SCAPER: variants seen among roughly 807,000 people sequenced by gnomAD.
SCAPER encodes S phase cyclin A-associated protein in the endoplasmic reticulum.
A neutral mutation model predicts 182.2 loss-of-function variants in SCAPER; 98 were observed. The observed-to-expected ratio is 0.54, with a 90% CI of 0.46 to 0.64. The LOEUF (loss-of-function observed/expected upper bound fraction) is 0.64. Ranked by LOEUF, SCAPER falls within the 30% of genes least tolerant of loss-of-function variation. The pLI, the probability that SCAPER is intolerant of heterozygous loss-of-function variation, is 0.00. For synonymous variants in SCAPER, 605 were observed against 564.6 expected (o/e 1.07, Z -1.01); for missense variants, 1,432 against 1,690.0 (o/e 0.85, Z 2.68).
intron 23 of SCAPER, among the ~76,000 whole-genome samples, chr15:76,551,104 T>C (rs2045731272): frequency 8.2e-6 from 1 of 122,042 alleles, no homozygotes; most frequent in East Asian, 2.1e-4. Flanking sequence ...TTTCACACTG[T>C]TGGCAGGAAC....
chr15:76,466,416 CTTCTTTTTTTT>C (rs2049627204), intron 25 of SCAPER, among the ~76,000 whole-genome samples: 1 of 36,790 alleles, frequency 2.7e-5, no homozygotes, highest in African/African-American at 7.2e-5. Context: ...TTGGTTGGTT[CTTCTTTTTTTT>C]TTTTTTTTTT....
At chr15:76,833,512 C>T (rs1366517563) in intron 5 of SCAPER, among the ~76,000 whole-genome samples, 2 of 152,142 alleles carry the variant, frequency 1.3e-5, no homozygotes, top group Non-Finnish European at 2.9e-5. Context: ...CATCACATAT[C>T]AATATTGACC....
At chr15:76,676,443 A>G (rs1267913900) in intron 20 of SCAPER, among the ~76,000 whole-genome samples, 1 of 152,204 alleles carries the variant, frequency 6.6e-6, no homozygotes, top group African/African-American at 2.4e-5. Flanking sequence ...CTACCTTGCT[A>G]AACAGTCAAC....
chr15:76,519,488 A>G (rs535273620), intron 23 of SCAPER, among the ~76,000 whole-genome samples: 4 of 152,302 alleles, frequency 2.6e-5, no homozygotes, highest in Admixed American at 1.3e-4. Flanking sequence ...ACTTTGTGAT[A>G]TAAGTGATTT....
At chr15:76,667,736 T>G (rs566041635) in intron 20 of SCAPER, among the ~76,000 whole-genome samples, 166 of 149,974 alleles carry the variant, frequency 1.1e-3, no homozygotes, top group Non-Finnish European at 2.1e-3. Flanking sequence ...GAGGATCACT[T>G]GAGGGCAAGA....
intron 20 of SCAPER, among the ~76,000 whole-genome samples, chr15:76,685,275 C>G (rs1466922383): frequency 1.3e-5 from 2 of 151,536 alleles, no homozygotes; most frequent in East Asian, 3.9e-4. Flanking sequence ...AGAATGCCAC[C>G]GCTACATGTG....
chr15:76,398,882 T>C (rs954537356), intron 27 of SCAPER, among the ~76,000 whole-genome samples: 1 of 152,212 alleles, frequency 6.6e-6, no homozygotes, highest in African/African-American at 2.4e-5. Flanking sequence ...TTTGTTGCCA[T>C]AGTGCCTAGC....
At chr15:76,379,694 T>C (rs1162033171) in intron 28 of SCAPER, 1 of 152,118 alleles carries the variant, frequency 6.6e-6, no homozygotes, top group African/African-American at 2.4e-5. Flanking sequence ...ATTTTTTTCT[T>C]TTCCTTTTTT....
Position 76,586,467 on chromosome 15 carries a change from G to C in SCAPER, c.2712-12183C>G, listed in dbSNP as rs890622170. On this transcript the variant is annotated intron_variant, in intron 22 of 31. Transcript: ENST00000563290. ...GCTCTTGTTTCTTTTACTGAGAAAA[G>C]ATATTTCAAACCCCAAATCAGTGAG... Among the ~76,000 whole-genome samples the C allele has an allele frequency of 2.0e-5, 3 of 152,080 alleles. No homozygotes were observed. The East Asian group carries it at 5.8e-4, about 29-fold the overall frequency.
intron 26 of SCAPER, among the ~76,000 whole-genome samples, chr15:76,422,233 G>C (rs1359178055): frequency 6.6e-6 from 1 of 152,136 alleles, no homozygotes; most frequent in African/African-American, 2.4e-5. Flanking sequence ...TCACGATATT[G>C]ATTCTTCCTA....
chr15:76,750,065 A>C lies in SCAPER; in HGVS notation c.1866+3743T>G, dbSNP rs537422104. Reference sequence around the variant, plus strand: ...ATAAAGTAAACAGAATCAAGTTAGAAAGAAAACTCACATATTCATGGCCAA... The same window carrying C: ...ATAAAGTAAACAGAATCAAGTTAGACAGAAAACTCACATATTCATGGCCAA... On this transcript the variant is annotated intron_variant, in intron 15 of 31. Coordinates refer to ENST00000563290, the MANE Select transcript of SCAPER (RefSeq NM_020843.4). 2.2e-4 allele frequency among the ~76,000 whole-genome samples: 34 copies of C among 152,038 alleles called. No individual in the cohort carries two copies. The East Asian group carries it at 3.9e-3, about 17-fold the overall frequency.
At chr15:76,431,703 A>AAAAAAAAAAAAAAAAG (rs2046879702) in intron 26 of SCAPER, among the ~76,000 whole-genome samples, 1 of 127,744 alleles carries the variant, frequency 7.8e-6, no homozygotes, top group African/African-American at 2.7e-5. Context: ...AAAAAAAAAA[A>AAAAAAAAAAAAAAAAG]ATGCTTTGTT....
At chr15:76,456,859 T>C (rs1368439858) in intron 25 of SCAPER, among the ~76,000 whole-genome samples, 1 of 152,216 alleles carries the variant, frequency 6.6e-6, no homozygotes, top group Non-Finnish European at 1.5e-5. Context: ...CCTCTTTGCA[T>C]ACTAATACAG....
intron 21 of SCAPER, among the ~76,000 whole-genome samples, chr15:76,652,575 G>T (rs10152988): frequency 0.22 from 31,447 of 142,402 alleles, 4,165 homozygotes; most frequent in East Asian, 0.47. Context: ...GCCGGGTGTG[G>T]TGGCAGGTGC....
rs565085271 is a variant in SCAPER, at chr15:76,778,731, C to A, written c.773-3614G>T. Reference sequence around the variant, plus strand: ...ATGTTTTTAAGTATTAGTTTAAGTACATTTTTAAGTATACACATATGTATG... The same window carrying A: ...ATGTTTTTAAGTATTAGTTTAAGTAAATTTTTAAGTATACACATATGTATG... On this transcript the variant is annotated intron_variant, in intron 8 of 31. Coordinates refer to ENST00000563290, the MANE Select transcript of SCAPER (RefSeq NM_020843.4). 6.6e-5 allele frequency among the ~76,000 whole-genome samples: 10 copies of A among 151,704 alleles called. No individual in the cohort carries two copies. The South Asian group carries it at 2.1e-3, about 32-fold the overall frequency.
At chr15:76,397,590 C>T (rs1281972879) in intron 27 of SCAPER, among the ~76,000 whole-genome samples, 1 of 148,402 alleles carries the variant, frequency 6.7e-6, no homozygotes, top group East Asian at 2.0e-4. Context: ...AAGCAATTCT[C>T]CTGCCTCAGC....
intron 23 of SCAPER, chr15:76,567,512 T>C (rs1464137502): frequency 3.5e-6 from 1 of 281,710 alleles, no homozygotes; most frequent in African/African-American, 2.2e-5. Flanking sequence ...GTCTGTATGT[T>C]CCCACTGCTC....
chr15:76,774,370 A>C (rs1280764160), intron 9 of SCAPER: 3 of 386,858 alleles, frequency 7.8e-6, no homozygotes, highest in South Asian at 5.9e-5. Context: ...AAACATACCA[A>C]ATGAACTGAG....
intron 27 of SCAPER, among the ~76,000 whole-genome samples, chr15:76,386,409 A>G (rs1482538025): frequency 6.6e-6 from 1 of 152,222 alleles, no homozygotes; most frequent in Non-Finnish European, 1.5e-5. Flanking sequence ...GGCAAGCCCT[A>G]TTCTAGGACC....
Sources: allele counts gnomAD v4.1 joint callset (sites outside exome capture counted in the v4.1 genomes callset), GRCh38; gene constraint gnomAD v4.1.1; transcripts MANE v1.5; gene names NCBI Gene and HGNC (gene_info 2026-07-23, HGNC 2026-07-21).